BANK1: variants seen among roughly 807,000 people sequenced by gnomAD.
BANK1 encodes B cell scaffold protein with ankyrin repeats 1, also known as B-cell scaffold protein with ankyrin repeats.
In BANK1, 95 loss-of-function variants were observed where a neutral mutation model predicts 94.5. The ratio of observed to expected loss-of-function variants is 1.00; its 90% CI spans 0.85 to 1.19. The LOEUF is 1.19. BANK1 is among the 50% of genes most tolerant of loss of function. The probability of loss-of-function intolerance (pLI) is 0.00; values close to 1 mark genes in which losing one functional copy is unlikely to be tolerated. For missense variants in BANK1, 987 were observed against 932.2 expected, an observed-to-expected ratio of 1.06 and a Z score of -0.77; for synonymous variants, 334 against 308.4, an observed-to-expected ratio of 1.08 and a Z score of -0.87.
intron 1 of BANK1, among the ~76,000 whole-genome samples, chr4:101,817,897 G>A (rs1725980419): frequency 6.6e-6 from 1 of 151,324 alleles, no homozygotes; most frequent in Non-Finnish European, 1.5e-5. Flanking sequence ...TGTGGCCCGA[G>A]ACAATTCTTC....
chr4:101,882,202 A>G (rs1216452910), intron 5 of BANK1, among the ~76,000 whole-genome samples: 1 of 152,128 alleles, frequency 6.6e-6, no homozygotes, highest in Non-Finnish European at 1.5e-5. Flanking sequence ...ATATATACCT[A>G]ATATGTACCC....
intron 7 of BANK1, among the ~76,000 whole-genome samples, chr4:101,925,295 A>G (rs1173307605): frequency 1.3e-5 from 2 of 151,784 alleles, no homozygotes; most frequent in South Asian, 2.1e-4. Context: ...TAGATATAAC[A>G]GCTATATAGT....
intron 5 of BANK1, among the ~76,000 whole-genome samples, chr4:101,894,993 C>G (rs1722012117): frequency 6.6e-6 from 1 of 151,390 alleles, no homozygotes; most frequent in Admixed American, 6.6e-5. Flanking sequence ...TATCCTTGAC[C>G]TATTGTAATT....
chr4:101,974,512 T>G (rs1725058519), intron 7 of BANK1, among the ~76,000 whole-genome samples: 1 of 152,152 alleles, frequency 6.6e-6, no homozygotes, highest in Non-Finnish European at 1.5e-5. Context: ...TTGCCAGCAA[T>G]GGACTGATAA....
chr4:101,950,069 G>A (rs967675600), intron 7 of BANK1, among the ~76,000 whole-genome samples: 7 of 147,964 alleles, frequency 4.7e-5, no homozygotes, highest in African/African-American at 1.5e-4. Flanking sequence ...GTGCGCGTGC[G>A]CGCGCATGTG....
chr4:102,046,605 C>T (rs931394209), intron 11 of BANK1, among the ~76,000 whole-genome samples: 3 of 152,134 alleles, frequency 2.0e-5, no homozygotes, highest in African/African-American at 7.2e-5. Context: ...ATGGTTTGCA[C>T]TAAATGCCAA....
At chr4:102,040,435 A>G (rs1422409336) in intron 10 of BANK1, among the ~76,000 whole-genome samples, 1 of 152,074 alleles carries the variant, frequency 6.6e-6, no homozygotes, top group Non-Finnish European at 1.5e-5. Context: ...GGTGACAACG[A>G]CTAATAATGC....
chr4:101,815,193 C>G (rs1725866619), intron 1 of BANK1, among the ~76,000 whole-genome samples: 1 of 152,090 alleles, frequency 6.6e-6, no homozygotes, highest in African/African-American at 2.4e-5. Context: ...AGACCCCGGA[C>G]CATAGGTCAG....
intron 1 of BANK1, among the ~76,000 whole-genome samples, chr4:101,793,450 CATA>C (rs908369953): frequency 2.0e-5 from 3 of 152,136 alleles, no homozygotes; most frequent in Non-Finnish European, 2.9e-5. Flanking sequence ...ATATCTTCAC[CATA>C]ATAAGGAATA....
chr4:101,844,293 T>C lies in BANK1; in HGVS notation c.470-10742T>C, dbSNP rs573389026. 4.6e-5 allele frequency among the ~76,000 whole-genome samples: 7 copies of C among 152,210 alleles called. No homozygotes were observed. The East Asian group carries it at 5.8e-4, about 13-fold the overall frequency. On this transcript the variant is annotated intron_variant, in intron 2 of 16. Transcript: ENST00000322953. ...CACTAGAAGCAACCATTGATGTGAATGTTGTAAAGTAATTAGAGGGAAAAA... is the reference window on the plus strand; with the variant it reads ...CACTAGAAGCAACCATTGATGTGAACGTTGTAAAGTAATTAGAGGGAAAAA...
In BANK1 at chr4:101,991,486, A is replaced by G. The variant is rs151311165; in HGVS notation, c.1207-30028A>G. Among the ~76,000 whole-genome samples, 851 of 152,326 alleles carry G rather than the reference A, an allele frequency of 5.6e-3. 9 individuals carry two copies. The highest frequency in any genetic ancestry group is 0.019 in the African/African-American group (788 of 41,556). ...TTTACATGAGTAGATTTAATTGGGT[A>G]AGGGTTAAAAAGATATAGAGATAAA... On this transcript the variant is annotated intron_variant, in intron 7 of 16. Coordinates refer to ENST00000322953, the MANE Select transcript of BANK1 (RefSeq NM_017935.5).
intron 1 of BANK1, among the ~76,000 whole-genome samples, chr4:101,810,012 C>T (rs1725687609): frequency 6.6e-6 from 1 of 151,978 alleles, no homozygotes; most frequent in Non-Finnish European, 1.5e-5. Context: ...TCCAGTTGGG[C>T]CCAATATAAT....
chr4:101,827,339 G>C (rs887873928), intron 1 of BANK1, among the ~76,000 whole-genome samples: 1 of 151,564 alleles, frequency 6.6e-6, no homozygotes, highest in African/African-American at 2.4e-5. Flanking sequence ...AAATTTCTTT[G>C]ACTACTTTTT....
At chr4:101,910,136 GAT>G (rs1722613276) in intron 6 of BANK1, among the ~76,000 whole-genome samples, 1 of 152,066 alleles carries the variant, frequency 6.6e-6, no homozygotes, top group South Asian at 2.1e-4. Context: ...TCACTTGAAG[GAT>G]ATGTTAAAAT....
At position 101,935,628 on chromosome 4, in the gene BANK1, C is replaced by T. The variant is rs41347351; in HGVS notation, c.1206+17439C>T. On this transcript the variant is annotated intron_variant, in intron 7 of 16. Transcript: ENST00000322953. ...TGAAAATCTTATCTATGTGTAACAC[C>T]GTAATTGATAGAATCTGTCATCTTT... Among the ~76,000 whole-genome samples, 851 of 151,392 alleles carry T rather than the reference C, an allele frequency of 5.6e-3. 15 individuals are homozygous for T. In the East Asian group the frequency reaches 0.057, roughly 10 times the overall value.
At chr4:102,047,033 A>T (rs947588006) in intron 11 of BANK1, among the ~76,000 whole-genome samples, 1 of 152,166 alleles carries the variant, frequency 6.6e-6, no homozygotes, top group Non-Finnish European at 1.5e-5. Context: ...AAATTGTTTC[A>T]CAGCAACTAC....
intron 7 of BANK1, among the ~76,000 whole-genome samples, chr4:101,986,518 ATTTATCTC>A (rs1359736327): frequency 6.6e-6 from 1 of 151,902 alleles, no homozygotes; most frequent in Non-Finnish European, 1.5e-5. Context: ...ATGGATGATA[ATTTATCTC>A]TTTGAATTTT....
At chr4:101,846,919 T>C (rs1727269758) in intron 2 of BANK1, among the ~76,000 whole-genome samples, 2 of 152,354 alleles carry the variant, frequency 1.3e-5, no homozygotes, top group African/African-American at 4.8e-5. Flanking sequence ...CTGTGTGGCC[T>C]TGAAGAGTTC....
Position 102,029,499 on chromosome 4 carries a change from C to T in BANK1, c.1595-461C>T, listed in dbSNP as rs377702273. Among the ~76,000 whole-genome samples, 800 of 148,332 alleles carry T rather than the reference C, an allele frequency of 5.4e-3. 10 individuals carry two copies. The highest frequency in any genetic ancestry group is 0.019 in the African/African-American group (760 of 40,782). Reference sequence around the variant, plus strand: ...CTTGATTTTCTGATATGAAATCATTCTTTATATGTAAAAGTATATATAATA... The same window carrying T: ...CTTGATTTTCTGATATGAAATCATTTTTTATATGTAAAAGTATATATAATA... On this transcript the variant is annotated intron_variant, in intron 9 of 16. Transcript: ENST00000322953.
Sources: allele counts gnomAD v4.1 joint callset (sites outside exome capture counted in the v4.1 genomes callset), GRCh38; gene constraint gnomAD v4.1.1; transcripts MANE v1.5; gene names NCBI Gene and HGNC (gene_info 2026-07-23, HGNC 2026-07-21).